The following NRXN3 variants were observed in gnomAD, a reference collection of about 807,000 sequenced individuals.
NRXN3 encodes the protein neurexin 3, also known as neurexin III.
In NRXN3, 32 loss-of-function variants were observed where a neutral mutation model predicts 137.6. That is an observed-to-expected ratio of 0.23 (90% CI 0.18 to 0.31). The LOEUF is 0.31. Ranked by LOEUF, NRXN3 falls within the 10% of genes least tolerant of loss-of-function variation. The pLI is 1.00. For synonymous variants in NRXN3, 798 were observed against 784.5 expected (o/e 1.02, Z -0.29); for missense variants, 1,574 against 2,062.5 (o/e 0.76, Z 4.59).
intron 15 of NRXN3, among the ~76,000 whole-genome samples, chr14:79,293,837 T>A (rs1230311144): frequency 6.6e-6 from 1 of 152,232 alleles, no homozygotes; most frequent in Non-Finnish European, 1.5e-5. Context: ...TGCATTTCAA[T>A]CAAACTGTTT....
At chr14:78,755,959 T>C (rs1233753292) in intron 8 of NRXN3, among the ~76,000 whole-genome samples, 2 of 152,182 alleles carry the variant, frequency 1.3e-5, no homozygotes, top group Non-Finnish European at 2.9e-5. Flanking sequence ...TAGTACCAAA[T>C]ACTTCCAGTT....
chr14:79,169,738 T>G (rs970259957), intron 15 of NRXN3, among the ~76,000 whole-genome samples: 2 of 152,134 alleles, frequency 1.3e-5, no homozygotes, highest in Non-Finnish European at 2.9e-5. Context: ...AAAATGTATT[T>G]TTTAGGGCTT....
chr14:78,661,942 T>G (rs2097845415), intron 6 of NRXN3, among the ~76,000 whole-genome samples: 1 of 150,504 alleles, frequency 6.6e-6, no homozygotes. Flanking sequence ...CAGGCTGGAG[T>G]GCAGTGGTGC....
rs543551890 is a variant in NRXN3, at chr14:78,538,110, T to C, written c.758-107010T>C. ...CAATGCGGGCTCTTTTTTGGTTCCA[T>C]ATGAACTTTAAAGTAGTTTTTTTCC... On this transcript the variant is annotated intron_variant, in intron 4 of 20. Coordinates refer to ENST00000335750, the MANE Select transcript of NRXN3 (RefSeq NM_001330195.2). 3.9e-5 allele frequency among the ~76,000 whole-genome samples: 6 copies of C among 152,296 alleles called. No homozygotes were observed. The South Asian group carries it at 1.0e-3, about 26-fold the overall frequency.
intron 4 of NRXN3, among the ~76,000 whole-genome samples, chr14:78,473,001 T>C (rs2095307616): frequency 6.6e-6 from 1 of 150,900 alleles, no homozygotes; most frequent in Non-Finnish European, 1.5e-5. Context: ...AGATCTGTAA[T>C]TAATTAAGCC....
chr14:78,655,293 T>A (rs2097775884), intron 6 of NRXN3, among the ~76,000 whole-genome samples: 1 of 152,166 alleles, frequency 6.6e-6, no homozygotes, highest in Non-Finnish European at 1.5e-5. Flanking sequence ...CAAAATACAA[T>A]GTTTTTGCTT....
intron 4 of NRXN3, among the ~76,000 whole-genome samples, chr14:78,530,204 C>T (rs953799130): frequency 6.6e-6 from 1 of 152,150 alleles, no homozygotes; most frequent in African/African-American, 2.4e-5. Context: ...GCTGTGAATT[C>T]CGCCTTTTTA....
intron 4 of NRXN3, among the ~76,000 whole-genome samples, chr14:78,553,372 C>A (rs7153644): frequency 1.3e-5 from 2 of 151,910 alleles, no homozygotes; most frequent in African/African-American, 4.8e-5. Context: ...CTGTGAAGCA[C>A]CTGAGCCCTT....
At chr14:78,665,039 G>C (rs745360014) in intron 6 of NRXN3, among the ~76,000 whole-genome samples, 13 of 152,322 alleles carry the variant, frequency 8.5e-5, no homozygotes, top group Middle Eastern at 3.4e-3. Context: ...TGTTCAAAGA[G>C]TGGGAGTGTG....
chr14:78,332,195 C>T (rs749303801), intron 4 of NRXN3, among the ~76,000 whole-genome samples: 3 of 152,212 alleles, frequency 2.0e-5, no homozygotes, highest in African/African-American at 4.8e-5. Flanking sequence ...GAATACCTGG[C>T]ATAAGGCAAA....
intron 19 of NRXN3, among the ~76,000 whole-genome samples, chr14:79,769,390 T>C (rs940258770): frequency 6.6e-6 from 1 of 151,772 alleles, no homozygotes; most frequent in Non-Finnish European, 1.5e-5. Context: ...CGGGTTACCC[T>C]CAAAGGGAAG....
At chr14:78,533,884 A>G (rs559329498) in intron 4 of NRXN3, among the ~76,000 whole-genome samples, 3 of 152,092 alleles carry the variant, frequency 2.0e-5, no homozygotes, top group African/African-American at 2.4e-5. Flanking sequence ...TTTTTCCTCA[A>G]TGTGCCTCCA....
chr14:79,217,626 A>G (rs1266949483), intron 15 of NRXN3, among the ~76,000 whole-genome samples: 2 of 152,222 alleles, frequency 1.3e-5, no homozygotes, highest in East Asian at 3.8e-4. Flanking sequence ...GTTAGCATAC[A>G]TAAGTGATGT....
intron 16 of NRXN3, among the ~76,000 whole-genome samples, chr14:79,507,299 C>G (rs955555122): frequency 5.3e-5 from 8 of 152,098 alleles, no homozygotes; most frequent in Admixed American, 1.3e-4. Context: ...CTTTAAGTTT[C>G]ATATGATTTT....
At position 78,427,626 on chromosome 14, in the gene NRXN3, G is replaced by T. The variant is rs551444484; in HGVS notation, c.757+129766G>T. Among the ~76,000 whole-genome samples the T allele has an allele frequency of 1.3e-4, 20 of 152,292 alleles. No individual in the cohort carries two copies. The East Asian group carries it at 3.7e-3, about 28-fold the overall frequency. On this transcript the variant is annotated intron_variant, in intron 4 of 20. Coordinates refer to ENST00000335750, the MANE Select transcript of NRXN3 (RefSeq NM_001330195.2). ...GGGTCCCAGAAGGGGTTGATATGAA[G>T]AAAGAAAATAACTCATTGCTGATGT... is the stretch of plus-strand genomic sequence containing the variant.
chr14:79,346,500 C>CA (rs952301554), intron 15 of NRXN3, among the ~76,000 whole-genome samples: 35 of 151,198 alleles, frequency 2.3e-4, no homozygotes, highest in African/African-American at 4.1e-4. Flanking sequence ...ATGATCTTGC[C>CA]AAAAAAAAGA....
At chr14:78,957,591 T>C (rs1256553195) in intron 11 of NRXN3, among the ~76,000 whole-genome samples, 2 of 152,210 alleles carry the variant, frequency 1.3e-5, no homozygotes, top group African/African-American at 4.8e-5. Flanking sequence ...TACATATTTA[T>C]GGGTCTCTCT....
In NRXN3 at chr14:78,243,880, T is replaced by C. The variant is rs1329746031; in HGVS notation, c.709+78T>C. ...TGGGGCTCCTGATACAAACCAGTTC[T>C]ATATGGATGCATATCTTTAGCTGCA... On this transcript the variant is annotated intron_variant, in intron 2 of 20. Transcript: ENST00000335750. The surrounding 1 kb of genome is among the most constrained non-coding windows in gnomAD (Gnocchi z 4.2). The C allele has an allele frequency of 9.6e-7, 1 of 1,037,840 alleles. No homozygotes were observed. The highest frequency in any genetic ancestry group is 1.4e-6 in the Non-Finnish European group (1 of 711,740). 64.3% of individuals were successfully genotyped at this position (1,037,840 alleles called of 1,614,324 possible). A position where few individuals can be genotyped will look rare whatever the true frequency, so the allele number is the denominator to read the frequency against.
chr14:79,439,724 C>T (rs1448107209), intron 15 of NRXN3, among the ~76,000 whole-genome samples: 2 of 152,158 alleles, frequency 1.3e-5, no homozygotes, highest in Non-Finnish European at 2.9e-5. Flanking sequence ...TTAAAATTTT[C>T]AAGTAAAGTC....
Sources: allele counts gnomAD v4.1 joint callset (sites outside exome capture counted in the v4.1 genomes callset), GRCh38; gene constraint gnomAD v4.1.1; non-coding constraint Gnocchi (gnomAD v3.1); transcripts MANE v1.5; gene names NCBI Gene and HGNC (gene_info 2026-07-23, HGNC 2026-07-21).